JMJD1C: variants seen among roughly 807,000 people sequenced by gnomAD.
JMJD1C encodes the protein jumonji domain-containing protein 1C.
In JMJD1C, 31 loss-of-function variants were observed where a neutral mutation model predicts 245.3. That is an observed-to-expected ratio of 0.13 (90% CI 0.09 to 0.17). The LOEUF is 0.17. JMJD1C is among the 10% of genes least tolerant of loss of function. The probability of loss-of-function intolerance (pLI) is 1.00; values close to 1 mark genes in which losing one functional copy is unlikely to be tolerated. For missense variants in JMJD1C, 2,691 were observed against 3,000.2 expected (o/e 0.90, Z 2.41); for synonymous variants, 1,057 against 1,017.4 (o/e 1.04, Z -0.74).
intron 8 of JMJD1C, among the ~76,000 whole-genome samples, chr10:63,210,817 T>G (rs973351475): frequency 2.6e-5 from 4 of 152,214 alleles, no homozygotes; most frequent in Non-Finnish European, 5.9e-5. Flanking sequence ...GAGGATAATA[T>G]AGTGATTAGT....
At chr10:63,499,569 T>C (rs1011390920) in intron 1 of JMJD1C, among the ~76,000 whole-genome samples, 4 of 152,144 alleles carry the variant, frequency 2.6e-5, no homozygotes, top group African/African-American at 7.2e-5. Context: ...ATTTACATTC[T>C]AGTCCCCATA....
intron 1 of JMJD1C, among the ~76,000 whole-genome samples, chr10:63,464,014 T>A (rs552590013): frequency 6.6e-6 from 1 of 151,708 alleles, no homozygotes; most frequent in East Asian, 1.9e-4. Flanking sequence ...GATGAGGGGG[T>A]CTCACCTATG....
At chr10:63,457,340 C>T (rs760567063) in intron 1 of JMJD1C, among the ~76,000 whole-genome samples, 204 of 152,224 alleles carry the variant, frequency 1.3e-3, no homozygotes, top group Non-Finnish European at 1.9e-3. Flanking sequence ...GCTGGTTTCA[C>T]ATGAAGATAA....
At chr10:63,305,683 T>TGTGTGTGTGTGTGTGTGTGTGTG (rs71025152) in intron 2 of JMJD1C, among the ~76,000 whole-genome samples, 31 of 146,500 alleles carry the variant, frequency 2.1e-4, no homozygotes, top group Admixed American at 2.7e-4. Flanking sequence ...TGTGTGTGTG[T>TGTGTGTGTGTGTGTGTGTGTGTG]TGAAAGATCT....
chr10:63,318,853 T>A (rs1178387427), intron 2 of JMJD1C, among the ~76,000 whole-genome samples: 1 of 152,184 alleles, frequency 6.6e-6, no homozygotes, highest in African/African-American at 2.4e-5. Context: ...GTCTGCTCAT[T>A]TCAGTGCCTC....
At chr10:63,446,872 G>C (rs74137758) in intron 1 of JMJD1C, among the ~76,000 whole-genome samples, 1,540 of 152,208 alleles carry the variant, frequency 0.01, 28 homozygotes, top group African/African-American at 0.034. Context: ...GGGACAATCT[G>C]TATAATACCA....
chr10:63,447,606 A>G (rs1056776614), intron 1 of JMJD1C, among the ~76,000 whole-genome samples: 11 of 152,164 alleles, frequency 7.2e-5, no homozygotes, highest in Non-Finnish European at 1.2e-4. Flanking sequence ...ACTTAGATGG[A>G]CAGAAATAAT....
intron 2 of JMJD1C, among the ~76,000 whole-genome samples, chr10:63,279,486 C>T (rs1857170221): frequency 6.6e-6 from 1 of 152,210 alleles, no homozygotes; most frequent in African/African-American, 2.4e-5. Flanking sequence ...GCACTAGCTT[C>T]CTTGAAATGC....
chr10:63,458,809 GA>G (rs1298223725), intron 1 of JMJD1C, among the ~76,000 whole-genome samples: 1 of 150,828 alleles, frequency 6.6e-6, no homozygotes, highest in Non-Finnish European at 1.5e-5. Context: ...ATGCAGCCTT[GA>G]CCTCTCAGGC....
intron 1 of JMJD1C, among the ~76,000 whole-genome samples, chr10:63,421,598 T>TC (rs1422166348): frequency 6.6e-6 from 1 of 152,074 alleles, no homozygotes; most frequent in Non-Finnish European, 1.5e-5. Context: ...CTGTGCTCCT[T>TC]CCCCCCAATT....
chr10:63,406,983 T>G (rs1041237890), intron 1 of JMJD1C, among the ~76,000 whole-genome samples: 15 of 152,050 alleles, frequency 9.9e-5, no homozygotes, highest in Non-Finnish European at 1.5e-5. Context: ...GCAAAACCAG[T>G]GGTAGCTAAC....
chr10:63,267,217 A>C (rs1855690297), intron 2 of JMJD1C, among the ~76,000 whole-genome samples: 2 of 152,044 alleles, frequency 1.3e-5, no homozygotes, highest in African/African-American at 4.8e-5. Flanking sequence ...ATGTTTCAAT[A>C]TTTATTAAAT....
chr10:63,393,600 G>A (rs1948250704), intron 1 of JMJD1C, among the ~76,000 whole-genome samples: 1 of 152,094 alleles, frequency 6.6e-6, no homozygotes, highest in Admixed American at 6.5e-5. Context: ...TTTTATTGCA[G>A]CACTATTCAC....
intron 2 of JMJD1C, among the ~76,000 whole-genome samples, chr10:63,298,618 T>G (rs1316768702): frequency 6.6e-6 from 1 of 152,246 alleles, no homozygotes; most frequent in Non-Finnish European, 1.5e-5. Flanking sequence ...TCACAAGTAC[T>G]ATATACTACA....
At chr10:63,430,073 T>C (rs536840649) in intron 1 of JMJD1C, among the ~76,000 whole-genome samples, 1 of 152,332 alleles carries the variant, frequency 6.6e-6, no homozygotes, top group African/African-American at 2.4e-5. Context: ...AAAGTTGGTA[T>C]GGTTCCAAGA....
intron 1 of JMJD1C, among the ~76,000 whole-genome samples, chr10:63,481,228 A>G (rs1030965992): frequency 1.3e-5 from 2 of 152,214 alleles, no homozygotes; most frequent in Admixed American, 6.5e-5. Context: ...GTAGAATGAA[A>G]TAGTTTTTAA....
In JMJD1C at chr10:63,207,627, C is replaced by T. The variant is rs1229879320; in HGVS notation, c.4042G>A (p.Ala1348Thr). ...AAAATGATTCTTCCAGTTTCTCCGGCTTCTGCTAGTTTGAGGCAATCTGTT... is the reference window on the plus strand; with the variant it reads ...AAAATGATTCTTCCAGTTTCTCCGGTTTCTGCTAGTTTGAGGCAATCTGTT... ...HKTDCLKLAEAGETGRIILPN... is the reference protein window; with the variant it reads ...HKTDCLKLAETGETGRIILPN... The change falls in exon 10 of 26, where the codon GCC (alanine) becomes ACC (threonine). Residue 1348 changes from alanine (A) to threonine (T), a missense_variant. This residue lies in a region of JMJD1C where 1,562 missense variants were observed against 1,490.7 expected (regional missense o/e 1.05). Coordinates refer to ENST00000399262, the MANE Select transcript of JMJD1C (RefSeq NM_032776.3). 7.4e-6 allele frequency: 12 copies of T among 1,614,150 alleles called. No homozygotes were observed. Among genetic ancestry groups the T allele is most frequent in the Non-Finnish European group, 1.0e-5 (12 of 1,180,034 alleles).
intron 2 of JMJD1C, among the ~76,000 whole-genome samples, chr10:63,363,980 T>G (rs1325470342): frequency 1.3e-5 from 2 of 151,622 alleles, no homozygotes; most frequent in African/African-American, 2.4e-5. Flanking sequence ...CTCAGCCTCC[T>G]GAGTAGCTGG....
intron 1 of JMJD1C, among the ~76,000 whole-genome samples, chr10:63,518,872 A>C (rs1042321111): frequency 1.3e-5 from 2 of 152,170 alleles, no homozygotes; most frequent in Non-Finnish European, 2.9e-5. Context: ...CGCCTTAAAC[A>C]CAGTTCCGCT....
Sources: allele counts gnomAD v4.1 joint callset (sites outside exome capture counted in the v4.1 genomes callset), GRCh38; gene constraint gnomAD v4.1.1; regional missense constraint gnomAD v4.1.1; transcripts MANE v1.5; gene names NCBI Gene and HGNC (gene_info 2026-07-23, HGNC 2026-07-21).